The following MALRD1 variants were observed in gnomAD, a reference collection of about 807,000 sequenced individuals.
The protein encoded by MALRD1 is MAM and LDL receptor class A domain containing 1, also known as MAM and LDL-receptor class A domain-containing protein 1.
MALRD1 carries 247 observed loss-of-function variants against 242.1 expected under a neutral mutation model. The observed-to-expected ratio is 1.02, with a 90% CI of 0.92 to 1.13. MALRD1 has a LOEUF of 1.13. MALRD1 is among the 50% of genes most tolerant of loss of function. The probability of loss-of-function intolerance (pLI) is 0.00; values close to 1 mark genes in which losing one functional copy is unlikely to be tolerated. For missense variants in MALRD1, 2,989 were observed against 2,533.1 expected (o/e 1.18, Z -3.86); for synonymous variants, 995 against 866.6 (o/e 1.15, Z -2.60).
chr10:19,428,763 A>G (rs1473362171), intron 28 of MALRD1, among the ~76,000 whole-genome samples: 1 of 152,222 alleles, frequency 6.6e-6, no homozygotes, highest in African/African-American at 2.4e-5. Context: ...AAGTTTACGT[A>G]TAAGTTAATC....
chr10:19,377,481 A>G (rs1455365097), intron 26 of MALRD1, among the ~76,000 whole-genome samples: 1 of 152,090 alleles, frequency 6.6e-6, no homozygotes, highest in Non-Finnish European at 1.5e-5. Flanking sequence ...TGTAACATTG[A>G]GGAGGATGTT....
At position 19,337,746 on chromosome 10, in the gene MALRD1, G is replaced by T. The variant is rs1392912634; in HGVS notation, c.3901+6164G>T. Reference sequence around the variant, plus strand: ...TACCTTTAGTTTTATAGCAATTTTAGGTTTACAACAAACTGAGTAGAAAGT... The same window carrying T: ...TACCTTTAGTTTTATAGCAATTTTATGTTTACAACAAACTGAGTAGAAAGT... On this transcript the variant is annotated intron_variant, in intron 24 of 39. Transcript: ENST00000454679. Among the ~76,000 whole-genome samples, 6 of 151,736 alleles carry T rather than the reference G, an allele frequency of 4.0e-5. No homozygotes were observed. The South Asian group carries it at 8.3e-4, about 21-fold the overall frequency.
At chr10:19,524,334 G>T (rs375867136) in intron 31 of MALRD1, among the ~76,000 whole-genome samples, 4 of 151,982 alleles carry the variant, frequency 2.6e-5, no homozygotes, top group African/African-American at 9.7e-5. Flanking sequence ...AAAATTAGCT[G>T]GGCGTGGTGG....
intron 33 of MALRD1, among the ~76,000 whole-genome samples, chr10:19,569,646 T>C (rs1836421081): frequency 6.8e-6 from 1 of 147,568 alleles, no homozygotes; most frequent in African/African-American, 2.5e-5. Context: ...ATAATATGTA[T>C]ATATATTATA....
chr10:19,455,500 T>C (rs1350124081), intron 29 of MALRD1, among the ~76,000 whole-genome samples: 2 of 152,218 alleles, frequency 1.3e-5, no homozygotes, highest in African/African-American at 2.4e-5. Flanking sequence ...AATGACATGA[T>C]CTTCTTTTGC....
intron 32 of MALRD1, among the ~76,000 whole-genome samples, chr10:19,533,008 A>G (rs1349057329): frequency 6.6e-6 from 1 of 152,188 alleles, no homozygotes; most frequent in African/African-American, 2.4e-5. Context: ...GATTCCTGCA[A>G]TTGAAGAGGA....
chr10:19,223,217 A>C (rs779669075), intron 18 of MALRD1, among the ~76,000 whole-genome samples: 2 of 152,176 alleles, frequency 1.3e-5, no homozygotes, highest in South Asian at 4.1e-4. Context: ...CAGAATTTCA[A>C]GGTCTGAAAA....
chr10:19,466,541 G>A (rs1427145487), intron 29 of MALRD1, among the ~76,000 whole-genome samples: 1 of 152,136 alleles, frequency 6.6e-6, no homozygotes, highest in Non-Finnish European at 1.5e-5. Context: ...GAGGCTGGAA[G>A]TCCAGGATCA....
intron 33 of MALRD1, among the ~76,000 whole-genome samples, chr10:19,590,295 A>G (rs899231636): frequency 6.8e-6 from 1 of 148,086 alleles, no homozygotes; most frequent in Non-Finnish European, 1.5e-5. Context: ...ATACATGTAT[A>G]TATTATATAT....
chr10:19,409,532 A>T (rs989655232), intron 28 of MALRD1, among the ~76,000 whole-genome samples: 2 of 152,172 alleles, frequency 1.3e-5, no homozygotes, highest in African/African-American at 4.8e-5. Flanking sequence ...GATAGGAGAA[A>T]AGCAGGTACA....
chr10:19,151,054 C>G (rs1218876529), intron 11 of MALRD1, among the ~76,000 whole-genome samples: 1 of 152,082 alleles, frequency 6.6e-6, no homozygotes, highest in East Asian at 1.9e-4. Context: ...TTTTTAGTGA[C>G]AAAATGGGAC....
chr10:19,291,799 T>A (rs1436233263), intron 21 of MALRD1, among the ~76,000 whole-genome samples: 1 of 150,554 alleles, frequency 6.6e-6, no homozygotes, highest in Non-Finnish European at 1.5e-5. Context: ...AAAATAAAAT[T>A]TGTGGGCCAG....
chr10:19,235,532 A>C (rs1838272537), intron 18 of MALRD1, among the ~76,000 whole-genome samples: 1 of 151,318 alleles, frequency 6.6e-6, no homozygotes, highest in Non-Finnish European at 1.5e-5. Context: ...AACAAAAACC[A>C]GAAGTAAATA....
chr10:19,294,507 T>C (rs1458542182), intron 21 of MALRD1, among the ~76,000 whole-genome samples: 1 of 152,192 alleles, frequency 6.6e-6, no homozygotes, highest in East Asian at 1.9e-4. Context: ...CCATTTATCC[T>C]TAACATTAGT....
chr10:19,233,434 GGGGGT>G (rs1838168818), intron 18 of MALRD1, among the ~76,000 whole-genome samples: 1 of 152,122 alleles, frequency 6.6e-6, no homozygotes, highest in South Asian at 2.1e-4. Context: ...CCTGGGAGGT[GGGGGT>G]TACAGTGAGC....
chr10:19,593,530 G>T (rs531247426), intron 33 of MALRD1, among the ~76,000 whole-genome samples: 1 of 152,156 alleles, frequency 6.6e-6, no homozygotes, highest in African/African-American at 2.4e-5. Context: ...AACCATTCCT[G>T]TACTGGCCTC....
intron 26 of MALRD1, among the ~76,000 whole-genome samples, chr10:19,360,143 G>A (rs1422432811): frequency 6.6e-6 from 1 of 152,054 alleles, no homozygotes; most frequent in Admixed American, 6.6e-5. Flanking sequence ...CAGGACATCT[G>A]ACTTTCAGGA....
chr10:19,125,339 TTCTTTCTTTC>T (rs1837238510), intron 7 of MALRD1, among the ~76,000 whole-genome samples: 2 of 86,014 alleles, frequency 2.3e-5, no homozygotes, highest in Non-Finnish European at 4.6e-5. Context: ...CTTTCTTTCT[TTCTTTCTTTC>T]TTTCTTTCTT....
intron 36 of MALRD1, among the ~76,000 whole-genome samples, chr10:19,689,258 G>T (rs936972381): frequency 6.6e-6 from 1 of 152,048 alleles, no homozygotes; most frequent in African/African-American, 2.4e-5. Flanking sequence ...GTATCTGTAC[G>T]TGTGTGTGTT....
Sources: gnomAD v4.1 joint callset for allele counts (sites outside exome capture counted in the v4.1 genomes callset) on GRCh38, gnomAD v4.1.1 for gene constraint, MANE v1.5 for transcripts, NCBI Gene and HGNC (gene_info 2026-07-23, HGNC 2026-07-21) for gene names.